ELAPOR2: variants seen among roughly 807,000 people sequenced by gnomAD.
ELAPOR2 encodes endosome-lysosome associated apoptosis and autophagy regulator family member 2.
Under a neutral mutation model 120.7 loss-of-function variants are expected in ELAPOR2, and 89 were observed. The observed-to-expected ratio is 0.74, with a 90% CI of 0.62 to 0.88. The LOEUF (loss-of-function observed/expected upper bound fraction) is 0.88. ELAPOR2 is among the 40% of genes least tolerant of loss of function. ELAPOR2 has a pLI of 0.00. For missense variants in ELAPOR2, 1,134 were observed against 1,251.6 expected (o/e 0.91, Z 1.42); for synonymous variants, 444 against 444.9 (o/e 1.00, Z 0.03).
intron 18 of ELAPOR2, among the ~76,000 whole-genome samples, chr7:86,899,448 A>G (rs1010174221): frequency 6.6e-6 from 1 of 152,146 alleles, no homozygotes; most frequent in African/African-American, 2.4e-5. Flanking sequence ...GAAACCCTTA[A>G]CAGCAAAAGG....
chr7:87,022,183 CTCG>C (rs1163844812), intron 1 of ELAPOR2, among the ~76,000 whole-genome samples: 1 of 151,572 alleles, frequency 6.6e-6, no homozygotes, highest in African/African-American at 2.4e-5. Context: ...CACCAATTAA[CTCG>C]TCATTTAACA....
intron 1 of ELAPOR2, among the ~76,000 whole-genome samples, chr7:87,039,749 A>T (rs927992455): frequency 1.4e-4 from 21 of 152,212 alleles, no homozygotes; most frequent in Non-Finnish European, 1.2e-4. Flanking sequence ...GTATAGAAGG[A>T]ACATACCGAG....
intron 12 of ELAPOR2, among the ~76,000 whole-genome samples, chr7:86,916,689 A>T (rs1789583925): frequency 6.6e-6 from 1 of 152,130 alleles, no homozygotes; most frequent in African/African-American, 2.4e-5. Flanking sequence ...CATTTCTAAC[A>T]ATTTCCAAGG....
chr7:86,905,835 G>T (rs147554028), intron 18 of ELAPOR2, among the ~76,000 whole-genome samples: 106 of 152,216 alleles, frequency 7.0e-4, no homozygotes, highest in African/African-American at 2.5e-3. Flanking sequence ...GATAAACCTG[G>T]CAAAGATAGT....
At chr7:86,997,918 G>A (rs554073599) in intron 1 of ELAPOR2, among the ~76,000 whole-genome samples, 2 of 152,238 alleles carry the variant, frequency 1.3e-5, no homozygotes, top group African/African-American at 2.4e-5. Context: ...TTTCACATAG[G>A]AAACACCATG....
intron 21 of ELAPOR2, 94 bp downstream of exon 21, chr7:86,891,630 G>T: frequency 9.8e-7 from 1 of 1,024,940 alleles, no homozygotes; most frequent in Non-Finnish European, 1.4e-6. Flanking sequence ...ATATAAACAT[G>T]CAAAATAACA....
chr7:86,999,259 C>T (rs567816938), intron 1 of ELAPOR2, among the ~76,000 whole-genome samples: 4 of 152,108 alleles, frequency 2.6e-5, no homozygotes, highest in South Asian at 2.1e-4. Context: ...CAAGGTATTC[C>T]GTATTTTGAT....
rs538149435 is a variant in ELAPOR2 at position 87,051,788 on chromosome 7, A to G, written c.189+7537T>C. 5.3e-4 allele frequency among the ~76,000 whole-genome samples: 81 copies of G among 152,378 alleles called. No homozygotes were observed. In the South Asian group the frequency reaches 0.016, roughly 31 times the overall value. ...TTGGAAAACATTTACCAAGAAGGCT[A>G]ACCATACTCTCTTAATATTACCATG... is the stretch of plus-strand genomic sequence containing the variant. On this transcript the variant is annotated intron_variant, in intron 1 of 21. Transcript: ENST00000450689.
At chr7:86,916,592 A>G (rs942558520) in intron 12 of ELAPOR2, among the ~76,000 whole-genome samples, 15 of 152,158 alleles carry the variant, frequency 9.9e-5, no homozygotes, top group African/African-American at 3.4e-4. Flanking sequence ...AGTATTTCAG[A>G]ACCACCCACA....
At chr7:86,999,054 T>C (rs1012835) in intron 1 of ELAPOR2, among the ~76,000 whole-genome samples, 57,362 of 151,676 alleles carry the variant, frequency 0.38, 11,685 homozygotes, top group African/African-American at 0.53. Context: ...TCTTCTCCAC[T>C]CCATCTCTTC....
intron 1 of ELAPOR2, among the ~76,000 whole-genome samples, chr7:86,968,663 A>G (rs1363033765): frequency 2.0e-5 from 3 of 152,204 alleles, no homozygotes; most frequent in African/African-American, 4.8e-5. Flanking sequence ...AGCACATCCA[A>G]TAATCTTTTC....
At chr7:87,046,300 G>A (rs1230434956) in intron 1 of ELAPOR2, among the ~76,000 whole-genome samples, 1 of 152,156 alleles carries the variant, frequency 6.6e-6, no homozygotes, top group Non-Finnish European at 1.5e-5. Context: ...AGAAATTCAA[G>A]AGGCCACCAA....
At position 86,910,005 on chromosome 7, in the gene ELAPOR2, G is replaced by A. The variant is rs745637938; in HGVS notation, c.2170-4C>T. On this transcript the variant is annotated splice_polypyrimidine_tract_variant and splice_region_variant and intron_variant, in intron 15 of 21. Coordinates refer to ENST00000450689, the MANE Select transcript of ELAPOR2 (RefSeq NM_001142749.3). ...TACAGAGAGCCATCTTCTTCCCCTA[G>A]GAAAATAAAGTCATAAAAGAAAGGT... 1 of 1,596,544 alleles carries A rather than the reference G, an allele frequency of 6.3e-7. No homozygotes were observed. Among genetic ancestry groups the A allele is most frequent in the Non-Finnish European group, 8.5e-7 (1 of 1,172,110 alleles).
chr7:86,954,752 T>C (rs959165335), intron 2 of ELAPOR2, among the ~76,000 whole-genome samples: 2 of 152,244 alleles, frequency 1.3e-5, no homozygotes, highest in African/African-American at 4.8e-5. Flanking sequence ...ATTATATATA[T>C]TTGTGGGGAA....
rs144805388 is a variant in ELAPOR2, at chr7:86,908,150, TACACAC to T, written c.2456+291_2456+296del. Among the ~76,000 whole-genome samples, 966 of 144,338 alleles carry T rather than the reference TACACAC, an allele frequency of 6.7e-3. 9 individuals are homozygous for T. The highest frequency in any genetic ancestry group is 0.018 in the African/African-American group (730 of 40,024). The allele number at this position is 144,338 out of a possible 152,430, so 94.7% of individuals were successfully genotyped here. ...TCTCTTTACTGCCAATGTAAGTGAA[TACACAC>T]ACACACACACACACACACACACACA... On this transcript the variant is annotated intron_variant, in intron 17 of 21. Transcript: ENST00000450689.
intron 4 of ELAPOR2, among the ~76,000 whole-genome samples, chr7:86,944,421 ACTT>A (rs1442350224): frequency 1.1e-4 from 17 of 152,138 alleles, no homozygotes; most frequent in Admixed American, 9.8e-4. Flanking sequence ...AGCCACTTCT[ACTT>A]CTGAAAAAAA....
chr7:87,034,318 A>G (rs1257120434), intron 1 of ELAPOR2, among the ~76,000 whole-genome samples: 2 of 152,028 alleles, frequency 1.3e-5, no homozygotes, highest in Non-Finnish European at 2.9e-5. Flanking sequence ...ATAAAAATGC[A>G]CTTAAAATTT....
At chr7:86,945,943 T>C (rs1790982847) in intron 3 of ELAPOR2, among the ~76,000 whole-genome samples, 2 of 152,068 alleles carry the variant, frequency 1.3e-5, no homozygotes, top group Non-Finnish European at 2.9e-5. Flanking sequence ...ACATACTATA[T>C]ATTTATTATA....
chr7:87,027,377 A>G (rs17161225), intron 1 of ELAPOR2, among the ~76,000 whole-genome samples: 3,579 of 152,288 alleles, frequency 0.024, 144 homozygotes, highest in African/African-American at 0.082. Flanking sequence ...AGTAACTGGT[A>G]ACTGTGCCTA....
Sources: allele counts gnomAD v4.1 joint callset (sites outside exome capture counted in the v4.1 genomes callset), GRCh38; gene constraint gnomAD v4.1.1; transcripts MANE v1.5; gene names NCBI Gene and HGNC (gene_info 2026-07-23, HGNC 2026-07-21).